The following NUDT4 variants were observed in gnomAD, a reference collection of about 807,000 sequenced individuals.
The protein encoded by NUDT4 is diphosphoinositol polyphosphate phosphohydrolase 2.
A neutral mutation model predicts 23.1 loss-of-function variants in NUDT4; 5 were observed. That is an observed-to-expected ratio of 0.22 (90% CI 0.11 to 0.46). NUDT4 has a LOEUF of 0.46. Ranked by LOEUF, NUDT4 falls within the 20% of genes least tolerant of loss-of-function variation. NUDT4 has a pLI of 0.99. For missense variants in NUDT4, 96 were observed against 211.6 expected (o/e 0.45, Z 3.39); for synonymous variants, 50 against 79.0 (o/e 0.63, Z 1.95).
At chr12:93,378,857 G>A (rs141950840) in intron 1 of NUDT4, 8 of 901,714 alleles carry the variant, frequency 8.9e-6, no homozygotes, top group African/African-American at 1.8e-5. Flanking sequence ...AGCCGTTTGC[G>A]GTCTCGGATT....
At chr12:93,395,753 G>A (rs542101293) in intron 3 of NUDT4, among the ~76,000 whole-genome samples, 6 of 151,938 alleles carry the variant, frequency 3.9e-5, no homozygotes, top group African/African-American at 1.2e-4. Flanking sequence ...ACAGAGTCTC[G>A]CTCTGTCGCC....
chr12:93,398,328 C>T (rs928526795), intron 3 of NUDT4, among the ~76,000 whole-genome samples: 5 of 134,588 alleles, frequency 3.7e-5, no homozygotes, highest in South Asian at 2.4e-4. Flanking sequence ...CAAAGCGAGA[C>T]TCCCTGTCTC....
At chr12:93,382,419 A>G (rs1345721412) in intron 1 of NUDT4, among the ~76,000 whole-genome samples, 1 of 152,210 alleles carries the variant, frequency 6.6e-6, no homozygotes, top group Non-Finnish European at 1.5e-5. Flanking sequence ...GAGCTGTACA[A>G]AATCATGCAG....
At chr12:93,392,186 G>A (rs73366033) in intron 1 of NUDT4, among the ~76,000 whole-genome samples, 4,054 of 148,420 alleles carry the variant, frequency 0.027, 203 homozygotes, top group African/African-American at 0.096. Flanking sequence ...CTCACCTTGA[G>A]TTGATTTTAA....
At chr12:93,394,523 T>C (rs1876790628) in intron 1 of NUDT4, 86 bp from the exon 2 acceptor site, 5 of 744,448 alleles carry the variant, frequency 6.7e-6, no homozygotes, top group African/African-American at 1.8e-5. Flanking sequence ...TAGAATAGAG[T>C]TATAACCTTG....
chr12:93,386,272 C>T (rs1275165648), intron 1 of NUDT4, among the ~76,000 whole-genome samples: 1 of 151,928 alleles, frequency 6.6e-6, no homozygotes, highest in Non-Finnish European at 1.5e-5. Flanking sequence ...TGTGCCTGGC[C>T]TATAGAAGAT....
intron 1 of NUDT4, among the ~76,000 whole-genome samples, 161 bp from the exon 2 acceptor site, chr12:93,394,448 C>CA (rs1876783677): frequency 1.3e-5 from 2 of 152,320 alleles, no homozygotes; most frequent in South Asian, 2.1e-4. Context: ...CAAAGGTTGT[C>CA]AATTGCATTT....
chr12:93,393,742 A>C (rs17021197), intron 1 of NUDT4, among the ~76,000 whole-genome samples: 8 of 152,190 alleles, frequency 5.3e-5, no homozygotes, highest in Non-Finnish European at 1.0e-4. Flanking sequence ...ACTTTTGCCT[A>C]TGTATGCAGG....
rs1278192286 is a variant in NUDT4, at chr12:93,398,923, G to A, written c.340+68G>A. 3.6e-6 allele frequency: 4 copies of A among 1,123,536 alleles called. No homozygotes were observed. The African/African-American group carries it at 4.7e-5, about 13-fold the overall frequency. The allele number at this position is 1,123,536 out of a possible 1,614,324, so 69.6% of individuals were successfully genotyped here. A position where few individuals can be genotyped will look rare whatever the true frequency, so the allele number is the denominator to read the frequency against. On this transcript the variant is annotated intron_variant, in intron 4 of 4. Transcript: ENST00000415493. ...GATTGGGAAGATTCTGTTAATATAG[G>A]TAAGTTCCCTTTTGTTATCTGAATA...
intron 3 of NUDT4, among the ~76,000 whole-genome samples, chr12:93,398,338 C>CA (rs34651915): frequency 0.23 from 17,221 of 74,974 alleles, 1,770 homozygotes; most frequent in East Asian, 0.39. Flanking sequence ...CTCCCTGTCT[C>CA]AAAAAAAAAA....
At chr12:93,382,285 CA>C (rs940407136) in intron 1 of NUDT4, among the ~76,000 whole-genome samples, 3 of 142,512 alleles carry the variant, frequency 2.1e-5, no homozygotes, top group Non-Finnish European at 4.7e-5. Flanking sequence ...AAAAAAACAA[CA>C]AAAAAAACCA....
rs1251428484 is a variant in NUDT4 at position 93,402,413 on chromosome 12, T to G, written c.*3034T>G. ...CCCAGCGGAAACGTATACCTTTCAG[T>G]GCATAGTGCATTGTGTGCTTACCCT... On this transcript the variant is annotated 3_prime_UTR_variant, in exon 5 of 5. Transcript: ENST00000415493. The G allele has an allele frequency of 6.6e-6, 1 of 152,228 alleles. No individual in the cohort carries two copies. The highest frequency in any genetic ancestry group is 6.5e-5 in the Admixed American group (1 of 15,284). The allele number at this position is 152,228 out of a possible 1,614,324, so 9.4% of individuals were successfully genotyped here. A position where few individuals can be genotyped will look rare whatever the true frequency, so the allele number is the denominator to read the frequency against.
chr12:93,391,744 A>C (rs11107008), intron 1 of NUDT4, among the ~76,000 whole-genome samples: 18,199 of 152,030 alleles, frequency 0.12, 1,483 homozygotes, highest in East Asian at 0.43. Context: ...CTTAGTTATC[A>C]TCATCATCTC....
At chr12:93,386,487 C>T (rs891256243) in intron 1 of NUDT4, among the ~76,000 whole-genome samples, 8 of 151,580 alleles carry the variant, frequency 5.3e-5, no homozygotes, top group Admixed American at 1.3e-4. Flanking sequence ...GGCTTACGCA[C>T]GAGAATTGCT....
At chr12:93,387,832 G>C (rs1309694596) in intron 1 of NUDT4, among the ~76,000 whole-genome samples, 1 of 151,852 alleles carries the variant, frequency 6.6e-6, no homozygotes, top group Non-Finnish European at 1.5e-5. Flanking sequence ...TGTTTTAATT[G>C]TCCTTCTCTC....
At chr12:93,382,125 G>A (rs781619130) in intron 1 of NUDT4, among the ~76,000 whole-genome samples, 6 of 152,030 alleles carry the variant, frequency 3.9e-5, no homozygotes, top group Non-Finnish European at 5.9e-5. Flanking sequence ...GCAGCCGGGC[G>A]TGGTGGCATG....
At chr12:93,398,109 G>A (rs1487714372) in intron 3 of NUDT4, among the ~76,000 whole-genome samples, 1 of 151,972 alleles carries the variant, frequency 6.6e-6, no homozygotes, top group East Asian at 1.9e-4. Flanking sequence ...TTGGGAGGCC[G>A]AGGTGGGTGG....
chr12:93,390,178 C>T (rs1261821389), intron 1 of NUDT4, among the ~76,000 whole-genome samples: 5 of 152,140 alleles, frequency 3.3e-5, no homozygotes, highest in Admixed American at 6.6e-5. Flanking sequence ...CCATTATTAA[C>T]GTAATCCAGG....
At chr12:93,380,188 A>G (rs762462812) in intron 1 of NUDT4, among the ~76,000 whole-genome samples, 3 of 152,174 alleles carry the variant, frequency 2.0e-5, no homozygotes, top group South Asian at 2.1e-4. Context: ...TTGGAAGCCT[A>G]TCTGAAAGTG....
Sources: gnomAD v4.1 joint callset for allele counts (sites outside exome capture counted in the v4.1 genomes callset) on GRCh38, gnomAD v4.1.1 for gene constraint, MANE v1.5 for transcripts, NCBI Gene and HGNC (gene_info 2026-07-23, HGNC 2026-07-21) for gene names.